The following MTA1 variants were observed in gnomAD, a reference collection of about 807,000 sequenced individuals.
MTA1 encodes metastasis associated 1.
Under a neutral mutation model 97.0 loss-of-function variants are expected in MTA1, and 15 were observed. That is an observed-to-expected ratio of 0.15 (90% CI 0.10 to 0.24). The LOEUF is 0.24. Among genes scored for constraint, MTA1 ranks in the 10% least tolerant of loss-of-function variants. The pLI is 1.00. For missense variants in MTA1, 709 were observed against 1,015.1 expected, an observed-to-expected ratio of 0.70 and a Z score of 4.10; for synonymous variants, 435 against 417.5, an observed-to-expected ratio of 1.04 and a Z score of -0.51.
intron 1 of MTA1, among the ~76,000 whole-genome samples, chr14:105,435,226 G>A (rs782525375): frequency 5.9e-5 from 9 of 152,188 alleles, no homozygotes; most frequent in Non-Finnish European, 1.3e-4. Flanking sequence ...GATGGTCATA[G>A]GGCTTTTCTT....
In MTA1 at chr14:105,469,478, C is replaced by G. The variant is rs1316982454; in HGVS notation, c.1825C>G (p.His609Asp). Reference sequence around the variant, plus strand: ...CCATTTCTCATCAGGTCTGGCAAACCACGGACAGGCCAGGCACATGGTAAG... The same window carrying G: ...CCATTTCTCATCAGGTCTGGCAAACGACGGACAGGCCAGGCACATGGTAAG... ...LLMPSRGLAN[H>D]GQARHMGPSR... Residue 609 changes from histidine to aspartate, a missense_variant, in exon 19 of 21, where the codon CAC becomes GAC. Physicochemically the swap from His to Asp is moderately conservative, Grantham distance 81. Coordinates refer to ENST00000331320, the MANE Select transcript of MTA1 (RefSeq NM_004689.4). 1.9e-6 allele frequency: 3 copies of G among 1,612,874 alleles called. No individual in the cohort carries two copies. The highest frequency in any genetic ancestry group is 2.5e-6 in the Non-Finnish European group (3 of 1,179,848).
At position 105,469,901 on chromosome 14, in the gene MTA1, C is replaced by T. The variant is rs2083763134; in HGVS notation, c.1906C>T (p.Arg636Trp). ...CTACCCCACCAAAGTGCGCCTGATC[C>T]GGGGGGGCTCCCTGCCCCCAGTCAA... ...KSYPTKVRLI[R>W]GGSLPPVKRR... The change falls in exon 20 of 21, where the codon CGG becomes TGG. Residue 636 changes from arginine (R) to tryptophan (W), a missense_variant. Physicochemically the swap from Arg to Trp is moderately radical, Grantham distance 101. Transcript: ENST00000331320. 4 of 1,611,364 alleles carry T rather than the reference C, an allele frequency of 2.5e-6. No homozygotes were observed. The highest frequency in any genetic ancestry group is 3.4e-6 in the Non-Finnish European group (4 of 1,179,424).
chr14:105,451,788 T>G lies in MTA1; in HGVS notation c.432+1464T>G, dbSNP rs1555428767. On this transcript the variant is annotated intron_variant, in intron 6 of 20. Transcript: ENST00000331320. ...CTTTTTCTTTTTCTTTTTTTGTTTT[T>G]TTTTTTTTTTTTTTTTTTTGAGACA... 1.0e-4 allele frequency among the ~76,000 whole-genome samples: 14 copies of G among 139,398 alleles called. No homozygotes were observed. In the South Asian group the frequency reaches 1.5e-3, roughly 14 times the overall value. 91.5% of individuals were successfully genotyped at this position (139,398 alleles called of 152,430 possible). A position where few individuals can be genotyped will look rare whatever the true frequency, so the allele number is the denominator to read the frequency against.
At chr14:105,455,476 G>A (rs2083109762) in intron 7 of MTA1, among the ~76,000 whole-genome samples, 1 of 152,236 alleles carries the variant, frequency 6.6e-6, no homozygotes, top group South Asian at 2.1e-4. Flanking sequence ...GAGACGCAGG[G>A]CTCTGCCCCC....
intron 18 of MTA1, chr14:105,468,295 T>C (rs1555433403): frequency 7.7e-7 from 1 of 1,304,002 alleles, no homozygotes; most frequent in East Asian, 5.5e-5. Context: ...CTCACTAACC[T>C]AAAGCATGTG....
intron 2 of MTA1, 30 bp from the exon 3 acceptor site, chr14:105,445,388 T>A (rs1555426845): frequency 1.2e-6 from 2 of 1,608,060 alleles, no homozygotes; most frequent in South Asian, 2.2e-5. Context: ...TTGGTCGCGT[T>A]TCTCAGACGC....
chr14:105,441,343 G>A (rs1320919400), intron 2 of MTA1, among the ~76,000 whole-genome samples: 4 of 152,218 alleles, frequency 2.6e-5, no homozygotes, highest in African/African-American at 4.8e-5. Context: ...TGCTGGCATC[G>A]GGGACCCAGC....
At position 105,469,694 on chromosome 14, in the gene MTA1, G is replaced by A. The variant is rs1180036492; in HGVS notation, c.1846-147G>A. On this transcript the variant is annotated intron_variant, in intron 19 of 20. Transcript: ENST00000331320. Reference sequence around the variant, plus strand: ...GCGGTGTGCGGCCGACCAGCCCTCAGGGCTGCCCTGGGCCAGGCTGGGGGT... The same window carrying A: ...GCGGTGTGCGGCCGACCAGCCCTCAAGGCTGCCCTGGGCCAGGCTGGGGGT... 5.4e-6 allele frequency: 7 copies of A among 1,295,616 alleles called. No individual in the cohort carries two copies. In the African/African-American group the frequency reaches 1.0e-4, roughly 19 times the overall value. 80.3% of individuals were successfully genotyped at this position (1,295,616 alleles called of 1,614,324 possible). A position where few individuals can be genotyped will look rare whatever the true frequency, so the allele number is the denominator to read the frequency against.
intron 19 of MTA1, 112 bp from the exon 20 acceptor site, chr14:105,469,729 T>A: frequency 6.9e-7 from 1 of 1,444,660 alleles, no homozygotes; most frequent in Admixed American, 2.1e-5. Context: ...TCCGTGTAAC[T>A]CACTGGGGTG....
At chr14:105,466,682 C>T in intron 17 of MTA1, 25 bp from the exon 18 acceptor site, 1 of 1,604,988 alleles carries the variant, frequency 6.2e-7, no homozygotes, top group Non-Finnish European at 8.5e-7. Context: ...TCTTCTCTCC[C>T]TCTCTCCCAC....
intron 6 of MTA1, among the ~76,000 whole-genome samples, chr14:105,453,197 C>T (rs587636217): frequency 3.9e-5 from 6 of 152,392 alleles, no homozygotes; most frequent in Non-Finnish European, 7.3e-5. Context: ...GGAAGGGCCG[C>T]GCCTGCTGCG....
rs886505544 is a variant in MTA1, at chr14:105,465,903, T to G, written c.1625-523T>G. On this transcript the variant is annotated intron_variant, in intron 16 of 20. Coordinates refer to ENST00000331320, the MANE Select transcript of MTA1 (RefSeq NM_004689.4). ...TTCCAGAGTCATGAGCCAAGTGTGC[T>G]CTGAGATTCAAGTGGCTTTGGCATT... is the stretch of plus-strand genomic sequence containing the variant. 2.3e-4 allele frequency: 38 copies of G among 166,866 alleles called. No homozygotes were observed. In the East Asian group the frequency reaches 4.1e-3, roughly 18 times the overall value. The allele number at this position is 166,866 out of a possible 1,614,324, so 10.3% of individuals were successfully genotyped here.
chr14:105,424,161 T>C lies in MTA1; in HGVS notation c.28+4098T>C, dbSNP rs940107682. On this transcript the variant is annotated intron_variant, in intron 1 of 20. Transcript: ENST00000331320. This position sits in a 1 kb window ranked among gnomAD's most constrained non-coding sequence, Gnocchi z 4.0. ...TCCAGGCAGGATGGGCCACTGAGCT[T>C]CTCCTGCCTCAGCCACTGAGCACTC... is the stretch of plus-strand genomic sequence containing the variant. 2.0e-5 allele frequency among the ~76,000 whole-genome samples: 3 copies of C among 152,242 alleles called. No individual in the cohort carries two copies. Among genetic ancestry groups the C allele is most frequent in the Non-Finnish European group, 2.9e-5 (2 of 68,050 alleles).
chr14:105,441,874 C>T (rs587746801), intron 2 of MTA1, among the ~76,000 whole-genome samples: 3 of 152,234 alleles, frequency 2.0e-5, no homozygotes, highest in South Asian at 2.1e-4. Context: ...AAACAAAGCC[C>T]GTGAATGTTC....
At position 105,464,554 on chromosome 14, in the gene MTA1, A is replaced by G. The variant is rs781825276; in HGVS notation, c.1331A>G (p.Asn444Ser). 1.2e-6 allele frequency: 2 copies of G among 1,612,658 alleles called. No individual in the cohort carries two copies. Among genetic ancestry groups the G allele is most frequent in the Non-Finnish European group, 1.7e-6 (2 of 1,179,904 alleles). The change falls in exon 14 of 21, where the codon AAC (asparagine) becomes AGC (serine). Residue 444 changes from asparagine (N) to serine (S), a missense_variant. By Grantham distance (46) the Asn-to-Ser change is conservative. Transcript: ENST00000331320. ...TTAGATGGAGAGAGGCCAGGACCAA[A>G]CCGCAGTAACATGGTAAGGGGGGGG... ...TRLDGERPGP[N>S]RSNMSPHGLP...
intron 1 of MTA1, among the ~76,000 whole-genome samples, chr14:105,429,510 G>GGT: frequency 6.7e-6 from 1 of 150,356 alleles, no homozygotes; most frequent in South Asian, 2.1e-4. Flanking sequence ...GGAGTGCAGT[G>GGT]GCACGATCTC....
rs1207649889 is a variant in MTA1, at chr14:105,422,050, T to C, written c.28+1987T>C. Among the ~76,000 whole-genome samples the C allele has an allele frequency of 6.6e-6, 1 of 152,194 alleles. No individual in the cohort carries two copies. The highest frequency in any genetic ancestry group is 1.5e-5 in the Non-Finnish European group (1 of 68,028). ...TGTCTGCTGGCAGCACAGCCACGCGTGGGATCCAGACTGCTTCTGCGTGTG... is the reference window on the plus strand; with the variant it reads ...TGTCTGCTGGCAGCACAGCCACGCGCGGGATCCAGACTGCTTCTGCGTGTG... On this transcript the variant is annotated intron_variant, in intron 1 of 20. Coordinates refer to ENST00000331320, the MANE Select transcript of MTA1 (RefSeq NM_004689.4). The surrounding 1 kb of genome is among the most constrained non-coding windows in gnomAD (Gnocchi z 4.3).
chr14:105,449,387 G>A lies in MTA1; in HGVS notation c.219G>A (p.Pro73=), dbSNP rs140261141. ...ATLSVCYKAG[P]GADNGEEGEI... ...TGTCAGTCTGCTATAAGGCCGGACC[G>A]GGGGCGGACAACGGCGAGGAAGGTA... The change falls in exon 4 of 21, where the codon CCG becomes CCA. Residue 73 remains proline, a synonymous_variant. Transcript: ENST00000331320. The A allele has an allele frequency of 4.5e-5, 72 of 1,612,056 alleles. No individual in the cohort carries two copies. The highest frequency in any genetic ancestry group is 6.7e-5 in the Admixed American group (4 of 59,922).
chr14:105,442,929 C>A (rs1555426161), intron 2 of MTA1, among the ~76,000 whole-genome samples: 1 of 152,208 alleles, frequency 6.6e-6, no homozygotes, highest in African/African-American at 2.4e-5. Context: ...GGAGGCCTGG[C>A]CTGAGGCGCT....
Sources: gnomAD v4.1 joint callset for allele counts (sites outside exome capture counted in the v4.1 genomes callset) on GRCh38, gnomAD v4.1.1 for gene constraint, Gnocchi (gnomAD v3.1) non-coding constraint, MANE v1.5 for transcripts, NCBI Gene and HGNC (gene_info 2026-07-23, HGNC 2026-07-21) for gene names.